The following CLIP2 variants were observed in gnomAD, a reference collection of about 807,000 sequenced individuals.
CLIP2 encodes the protein CAP-Gly domain-containing linker protein 2.
CLIP2 carries 41 observed loss-of-function variants against 111.7 expected under a neutral mutation model. The ratio of observed to expected loss-of-function variants is 0.37; its 90% CI spans 0.29 to 0.48. The LOEUF (loss-of-function observed/expected upper bound fraction) is 0.48. Among genes scored for constraint, CLIP2 ranks in the 20% least tolerant of loss-of-function variants. CLIP2 has a pLI of 0.99. For synonymous variants in CLIP2, 660 were observed against 644.2 expected (o/e 1.02, Z -0.37); for missense variants, 1,160 against 1,422.1 (o/e 0.82, Z 2.96).
rs1343705042 is a variant in CLIP2, at chr7:74,338,107, G to A, written c.122-341G>A. 3.3e-5 allele frequency among the ~76,000 whole-genome samples: 5 copies of A among 152,146 alleles called. No homozygotes were observed. Among genetic ancestry groups the A allele is most frequent in the African/African-American group, 1.2e-4 (5 of 41,450 alleles). On this transcript the variant is annotated intron_variant, in intron 2 of 16. Transcript: ENST00000223398. This position sits in a 1 kb window ranked among gnomAD's most constrained non-coding sequence, Gnocchi z 4.3. Reference sequence around the variant, plus strand: ...GGTTTCAGCTACTCGGGAGGCTGAGGTAGAGGATTGCTGGAGCCCAGGAAG... The same window carrying A: ...GGTTTCAGCTACTCGGGAGGCTGAGATAGAGGATTGCTGGAGCCCAGGAAG...
intron 2 of CLIP2, among the ~76,000 whole-genome samples, chr7:74,323,060 C>T (rs1385553215): frequency 3.3e-5 from 5 of 150,182 alleles, no homozygotes; most frequent in Admixed American, 6.8e-5. Context: ...TTTTACTGTA[C>T]CTTTTCTATG....
chr7:74,323,236 A>G (rs1789013481), intron 2 of CLIP2, among the ~76,000 whole-genome samples: 1 of 148,046 alleles, frequency 6.8e-6, no homozygotes, highest in South Asian at 2.1e-4. Flanking sequence ...TTGGCCTCCT[A>G]AGTAGCTGGG....
chr7:74,394,060 T>G (rs1554316295), intron 13 of CLIP2, among the ~76,000 whole-genome samples: 1 of 152,104 alleles, frequency 6.6e-6, no homozygotes. Context: ...TAGAACTTCC[T>G]GGAGTTTTGG....
chr7:74,358,576 T>C (rs782770003), intron 6 of CLIP2, among the ~76,000 whole-genome samples: 1 of 151,922 alleles, frequency 6.6e-6, no homozygotes, highest in Non-Finnish European at 1.5e-5. Context: ...TTCTTTTTTT[T>C]TTTTATTTTA....
rs1329052922 is a variant in CLIP2 at position 74,372,404 on chromosome 7, G to T, written c.1381-528G>T. Among the ~76,000 whole-genome samples, 564 of 127,054 alleles carry T rather than the reference G, an allele frequency of 4.4e-3. 39 individuals are homozygous for T. The highest frequency in any genetic ancestry group is 0.017 in the African/African-American group (526 of 31,346). 83.4% of individuals were successfully genotyped at this position (127,054 alleles called of 152,430 possible). A position where few individuals can be genotyped will look rare whatever the true frequency, so the allele number is the denominator to read the frequency against. Reference sequence around the variant, plus strand: ...TCTTGCACTTTTAGCACAGGCCTTGGGGGGGGGGGGGAGTCGAGCGGGAAT... The same window carrying T: ...TCTTGCACTTTTAGCACAGGCCTTGTGGGGGGGGGGGAGTCGAGCGGGAAT... On this transcript the variant is annotated intron_variant, in intron 8 of 16. Transcript: ENST00000223398.
At chr7:74,335,869 A>G in intron 2 of CLIP2, among the ~76,000 whole-genome samples, 1 of 150,772 alleles carries the variant, frequency 6.6e-6, no homozygotes, top group Non-Finnish European at 1.5e-5. Context: ...CAGCCTCCTG[A>G]GTAGCTGCGA....
intron 1 of CLIP2, among the ~76,000 whole-genome samples, chr7:74,301,409 G>T (rs1055240227): frequency 6.6e-6 from 1 of 152,090 alleles, no homozygotes. Flanking sequence ...TTGAGACGGA[G>T]TCTCGCTCTT....
chr7:74,304,193 G>A (rs1167915604), intron 1 of CLIP2, among the ~76,000 whole-genome samples: 11 of 151,882 alleles, frequency 7.2e-5, no homozygotes, highest in African/African-American at 2.7e-4. Flanking sequence ...TTGCAGGCGT[G>A]AGCCACCGTA....
intron 13 of CLIP2, among the ~76,000 whole-genome samples, chr7:74,390,099 AAAAGAAAGAAAG>A (rs782212797): frequency 2.0e-5 from 3 of 146,578 alleles, no homozygotes; most frequent in African/African-American, 7.6e-5. Flanking sequence ...TTAAAAAAAA[AAAAGAAAGAAAG>A]AAAGAAAGAA....
chr7:74,370,611 A>ACCC (rs1167303982), intron 8 of CLIP2, among the ~76,000 whole-genome samples: 3 of 9,686 alleles, frequency 3.1e-4, no homozygotes, highest in East Asian at 6.3e-3. Flanking sequence ...CCCCACCACC[A>ACCC]CCCCCCTGCC....
In CLIP2 at chr7:74,319,526, G is replaced by T. The variant is rs533753754; in HGVS notation, c.121+1859G>T. Among the ~76,000 whole-genome samples, 9 of 151,480 alleles carry T rather than the reference G, an allele frequency of 5.9e-5. No homozygotes were observed. The South Asian group carries it at 8.4e-4, about 14-fold the overall frequency. On this transcript the variant is annotated intron_variant, in intron 2 of 16. Transcript: ENST00000223398. ...CTGTCAAAAAATAAAATAAAATAAA[G>T]AAAGAAAGAGAAGCCAGCATGGTGG...
intron 3 of CLIP2, among the ~76,000 whole-genome samples, chr7:74,346,215 A>G (rs2116578433): frequency 6.6e-6 from 1 of 152,196 alleles, no homozygotes. Flanking sequence ...TCCTGGGCTC[A>G]AGCAATTCTC....
intron 2 of CLIP2, among the ~76,000 whole-genome samples, chr7:74,326,392 A>G (rs1789107775): frequency 6.6e-6 from 1 of 152,072 alleles, no homozygotes; most frequent in South Asian, 2.1e-4. Context: ...AGCCCCACAC[A>G]TTTGGCTCAT....
rs73131380 is a variant in CLIP2 at position 74,338,277 on chromosome 7, G to A, written c.122-171G>A. 0.096 allele frequency among the ~76,000 whole-genome samples: 14,577 copies of A among 152,062 alleles called. 1,271 individuals carry two copies. The highest frequency in any genetic ancestry group is 0.22 in the African/African-American group (9,279 of 41,464). ...AGCAATTTGGGAAGCCAAGGCGGGC[G>A]GATTTCTTGAGGTCAGGAGTTCGAG... On this transcript the variant is annotated intron_variant, in intron 2 of 16. Coordinates refer to ENST00000223398, the MANE Select transcript of CLIP2 (RefSeq NM_003388.5). This position sits in a 1 kb window ranked among gnomAD's most constrained non-coding sequence, Gnocchi z 4.3.
At chr7:74,367,050 G>A (rs78087547) in intron 8 of CLIP2, among the ~76,000 whole-genome samples, 1,575 of 152,096 alleles carry the variant, frequency 0.01, 26 homozygotes, top group African/African-American at 0.036. Flanking sequence ...CACTTTACTT[G>A]AACATCTTAT....
At position 74,360,228 on chromosome 7, in the gene CLIP2, C is replaced by T. The variant is rs533430096; in HGVS notation, c.1269C>T (p.Ser423=). The change falls in exon 7 of 17, where the codon AGC becomes AGT. Residue 423 remains serine, a synonymous_variant. Coordinates refer to ENST00000223398, the MANE Select transcript of CLIP2 (RefSeq NM_003388.5). ...KLQRARLLVE[S]VRKEKVDLSN... ...AGCGAGCCCGGCTGCTCGTGGAGAG[C>T]GTGCGGAAAGAGAAGGTGGACCTGT... The T allele has an allele frequency of 8.5e-5, 136 of 1,607,826 alleles. No homozygotes were observed. The highest frequency in any genetic ancestry group is 1.1e-4 in the Non-Finnish European group (131 of 1,177,432).
At chr7:74,324,281 C>T (rs985222389) in intron 2 of CLIP2, among the ~76,000 whole-genome samples, 4 of 152,304 alleles carry the variant, frequency 2.6e-5, no homozygotes, top group Admixed American at 6.5e-5. Context: ...TGTGAGCCCC[C>T]GTTCCTGGCC....
intron 10 of CLIP2, 25 bp from the exon 11 acceptor site, chr7:74,380,781 C>G (rs371050675): frequency 1.9e-6 from 3 of 1,588,344 alleles, no homozygotes; most frequent in Non-Finnish European, 2.6e-6. Flanking sequence ...GGTGAGCATC[C>G]CCCTTACAGG....
intron 1 of CLIP2, among the ~76,000 whole-genome samples, chr7:74,307,846 T>C (rs1584312023): frequency 6.6e-6 from 1 of 151,406 alleles, no homozygotes; most frequent in Admixed American, 6.6e-5. Flanking sequence ...GGGCTGGAGG[T>C]TAATTTTGGG....
Sources: gnomAD v4.1 joint callset for allele counts (sites outside exome capture counted in the v4.1 genomes callset) on GRCh38, gnomAD v4.1.1 for gene constraint, Gnocchi (gnomAD v3.1) non-coding constraint, MANE v1.5 for transcripts, NCBI Gene and HGNC (gene_info 2026-07-23, HGNC 2026-07-21) for gene names.